COQ8A: variants seen among roughly 807,000 people sequenced by gnomAD.
COQ8A encodes coenzyme Q8A, also known as atypical kinase COQ8A, mitochondrial.
A neutral mutation model predicts 65.0 loss-of-function variants in COQ8A; 51 were observed. The observed-to-expected ratio is 0.78, with a 90% CI of 0.63 to 0.99. COQ8A has a LOEUF of 0.99. Among genes scored for constraint, COQ8A ranks in the 50% least tolerant of loss-of-function variants. COQ8A has a pLI of 0.00. For missense variants in COQ8A, 940 were observed against 875.0 expected, an observed-to-expected ratio of 1.07 and a Z score of -0.94; for synonymous variants, 371 against 353.2, an observed-to-expected ratio of 1.05 and a Z score of -0.57.
At chr1:226,986,360 G>A in intron 14 of COQ8A, 93 bp from the exon 15 acceptor site, 2 of 1,404,770 alleles carry the variant, frequency 1.4e-6, no homozygotes, top group Non-Finnish European at 2.0e-6. Flanking sequence ...AGCTTTGAAT[G>A]AGAACTCAGC....
At chr1:226,978,766 G>A (rs372375893) in intron 5 of COQ8A, among the ~76,000 whole-genome samples, 4 of 79,968 alleles carry the variant, frequency 5.0e-5, no homozygotes, top group African/African-American at 1.6e-4. Flanking sequence ...CCTCACACCC[G>A]CATACCTCCG....
rs191104068 is a variant in COQ8A at position 226,961,858 on chromosome 1, G to A, written c.177+296G>A. On this transcript the variant is annotated intron_variant, in intron 2 of 14. Coordinates refer to ENST00000366777, the MANE Select transcript of COQ8A (RefSeq NM_020247.5). The stretch of plus-strand genomic sequence containing the variant: ...TGCCAGAAGATTCAGTGTCTGGTGA[G>A]GGCCTGTTTCCTAATCCATAGATGG... 1.2e-4 allele frequency among the ~76,000 whole-genome samples: 18 copies of A among 152,346 alleles called. No homozygotes were observed. In the East Asian group the frequency reaches 3.5e-3, roughly 29 times the overall value.
chr1:226,974,775 C>T (rs1179748723), intron 4 of COQ8A: 1 of 152,670 alleles, frequency 6.6e-6, no homozygotes, highest in Non-Finnish European at 1.5e-5. Context: ...CTGGTCGGTC[C>T]TGAGGGACGT....
intron 12 of COQ8A, 29 bp downstream of exon 12, chr1:226,984,684 C>G (rs780425631): frequency 1.3e-6 from 2 of 1,597,438 alleles, no homozygotes; most frequent in Middle Eastern, 1.7e-4. Context: ...GCACCCGCAG[C>G]CAGGCCTGAG....
chr1:226,955,819 C>T (rs1657690874), intron 1 of COQ8A, among the ~76,000 whole-genome samples: 1 of 133,726 alleles, frequency 7.5e-6, no homozygotes, highest in Non-Finnish European at 1.6e-5. Flanking sequence ...TTCACACTCT[C>T]CCTGGCTCCC....
chr1:226,985,897 G>C (rs1360600664), intron 14 of COQ8A, among the ~76,000 whole-genome samples: 1 of 152,114 alleles, frequency 6.6e-6, no homozygotes, highest in Non-Finnish European at 1.5e-5. Context: ...AGCTGTAAGC[G>C]CTCAGCGGGC....
intron 6 of COQ8A, 167 bp downstream of exon 6, chr1:226,982,316 G>T: frequency 9.2e-7 from 1 of 1,086,884 alleles, no homozygotes; most frequent in Non-Finnish European, 1.3e-6. Flanking sequence ...GGTGGCTCTG[G>T]GTCCAAAGAA....
chr1:226,979,523 C>T (rs932229846), intron 5 of COQ8A, among the ~76,000 whole-genome samples: 2 of 152,210 alleles, frequency 1.3e-5, no homozygotes, highest in Non-Finnish European at 2.9e-5. Flanking sequence ...CTGGCCCCGG[C>T]CCATTCAGGG....
In COQ8A at chr1:226,984,114, CCTT is replaced by C. The variant is rs1203624329; in HGVS notation, c.1283_1285del (p.Phe428del). On this transcript the variant is annotated inframe_deletion, in exon 11 of 15. Coordinates refer to ENST00000366777, the MANE Select transcript of COQ8A (RefSeq NM_020247.5). ...CCCAGGGACCTGCTGAAGGGCCACC[CCTT>C]CTTCTATGTGCCTGAGATTGTGGAT... 5 of 1,613,692 alleles carry C rather than the reference CCTT, an allele frequency of 3.1e-6. No individual in the cohort carries two copies. Among genetic ancestry groups the C allele is most frequent in the African/African-American group, 1.3e-5 (1 of 75,036 alleles).
chr1:226,986,632 G>A lies in COQ8A; in HGVS notation c.1839G>A (p.Met613Ile), dbSNP rs1660136728. 1.2e-6 allele frequency: 2 copies of A among 1,613,888 alleles called. No individual in the cohort carries two copies. The highest frequency in any genetic ancestry group is 2.7e-5 in the African/African-American group (2 of 74,964). Reference sequence around the variant, plus strand: ...AAACCTACTCCCTGCACAGGAAGATGGGGGGCTCCTTCCTCATCTGCTCCA... The same window carrying A: ...AAACCTACTCCCTGCACAGGAAGATAGGGGGCTCCTTCCTCATCTGCTCCA... ...PEETYSLHRK[M>I]GGSFLICSKL... Residue 613 changes from methionine to isoleucine, a missense_variant, in exon 15 of 15, where the codon ATG (methionine) becomes ATA (isoleucine). Transcript: ENST00000366777.
At chr1:226,942,227 G>A (rs567406105) in intron 1 of COQ8A, among the ~76,000 whole-genome samples, 9 of 152,168 alleles carry the variant, frequency 5.9e-5, no homozygotes, top group Middle Eastern at 6.8e-3. Context: ...GGACCTGCCC[G>A]TGAGTAGGTG....
intron 12 of COQ8A, 75 bp downstream of exon 12, chr1:226,984,730 G>A: frequency 6.6e-7 from 1 of 1,523,078 alleles, no homozygotes; most frequent in Non-Finnish European, 9.1e-7. Context: ...GCCCTGGACT[G>A]CCCCTTGTCC....
intron 14 of COQ8A, 144 bp downstream of exon 14, chr1:226,985,484 G>T (rs945680692): frequency 3.5e-6 from 3 of 849,374 alleles, no homozygotes. Context: ...GAAAGCTGGG[G>T]CCCACCCCGG....
rs779539797 is a variant in COQ8A at position 226,965,097 on chromosome 1, A to G, written c.275A>G (p.Asp92Gly). The change falls in exon 3 of 15, where the codon GAC becomes GGC. Residue 92 changes from aspartate (D) to glycine (G), a missense_variant. Physicochemically the swap from Asp to Gly is moderately conservative, Grantham distance 94. Coordinates refer to ENST00000366777, the MANE Select transcript of COQ8A (RefSeq NM_020247.5). ...CCGCATGCAGCCGGAGCCTCCACAG[A>G]CTTCTCTTCAGCCTCCGCTCCCGAC... Reference protein sequence around the residue: ...SVPHAAGASTDFSSASAPDQS... With the variant: ...SVPHAAGASTGFSSASAPDQS... 1.2e-6 allele frequency: 2 copies of G among 1,613,796 alleles called. No individual in the cohort carries two copies. The highest frequency in any genetic ancestry group is 1.7e-6 in the Non-Finnish European group (2 of 1,180,032).
At chr1:226,965,787 C>T in intron 4 of COQ8A, 50 bp downstream of exon 4, 1 of 1,565,660 alleles carries the variant, frequency 6.4e-7, no homozygotes, top group Non-Finnish European at 8.8e-7. Flanking sequence ...TGCCTGGGCA[C>T]CACGCTGCGG....
chr1:226,961,580 T>A lies in COQ8A; in HGVS notation c.177+18T>A. The A allele has an allele frequency of 6.2e-7, 1 of 1,600,002 alleles. No individual in the cohort carries two copies. The highest frequency in any genetic ancestry group is 8.5e-7 in the Non-Finnish European group (1 of 1,170,674). ...AGGTGCAGGTAAGGGGGCCTGGCAG[T>A]GGGAGGGGTGCTGGCAGGAAGAGGG... On this transcript the variant is annotated intron_variant, in intron 2 of 14. Transcript: ENST00000366777.
At chr1:226,983,682 CTG>C in intron 9 of COQ8A, 49 bp downstream of exon 9, 2 of 1,612,260 alleles carry the variant, frequency 1.2e-6, no homozygotes, top group Non-Finnish European at 1.7e-6. Context: ...TGGCAGGCAT[CTG>C]TGTTGGGTTC....
chr1:226,956,159 C>T (rs1430224228), intron 1 of COQ8A, among the ~76,000 whole-genome samples: 6 of 142,486 alleles, frequency 4.2e-5, no homozygotes, highest in Non-Finnish European at 9.0e-5. Flanking sequence ...CCCTGGTTCA[C>T]ACTCTCCCTG....
intron 10 of COQ8A, 108 bp from the exon 11 acceptor site, chr1:226,983,986 T>C (rs1194193784): frequency 1.8e-5 from 25 of 1,420,340 alleles, no homozygotes; most frequent in Non-Finnish European, 2.3e-5. Context: ...CGAGGCCATA[T>C]CCTGCCTGGG....
Sources: gnomAD v4.1 joint callset for allele counts (sites outside exome capture counted in the v4.1 genomes callset) on GRCh38, gnomAD v4.1.1 for gene constraint, MANE v1.5 for transcripts, NCBI Gene and HGNC (gene_info 2026-07-23, HGNC 2026-07-21) for gene names.